The following ITGA8 variants were observed in gnomAD, a reference collection of about 807,000 sequenced individuals.
ITGA8 encodes integrin subunit alpha 8, also known as integrin alpha-8.
A neutral mutation model predicts 142.3 loss-of-function variants in ITGA8; 91 were observed. That is an observed-to-expected ratio of 0.64 (90% CI 0.54 to 0.76). ITGA8 has a LOEUF of 0.76. ITGA8 is among the 30% of genes least tolerant of loss of function. ITGA8 has a pLI of 0.00. For missense variants in ITGA8, 1,406 were observed against 1,327.7 expected (o/e 1.06, Z -0.92); for synonymous variants, 505 against 485.2 (o/e 1.04, Z -0.54).
intron 10 of ITGA8, among the ~76,000 whole-genome samples, 163 bp downstream of exon 10, chr10:15,658,836 T>C (rs1384602222): frequency 1.3e-5 from 2 of 152,084 alleles, no homozygotes; most frequent in Non-Finnish European, 2.9e-5. Context: ...GGATGGGATC[T>C]GTCTGTCTGA....
At chr10:15,667,956 G>C (rs1245688497) in intron 8 of ITGA8, among the ~76,000 whole-genome samples, 2 of 152,202 alleles carry the variant, frequency 1.3e-5, no homozygotes, top group Non-Finnish European at 2.9e-5. Context: ...GTCAATTTTG[G>C]AGTAGGTGTG....
At chr10:15,553,302 G>GTTTTTTTTTTTTTTTTTTTTTTTTTTT in intron 26 of ITGA8, among the ~76,000 whole-genome samples, 1 of 131,140 alleles carries the variant, frequency 7.6e-6, no homozygotes, top group African/African-American at 2.7e-5. Context: ...AGTTGCCATA[G>GTTTTTTTTTTTTTTTTTTTTTTTTTTT]TTTTTTTTTT....
chr10:15,538,199 T>C (rs1833487983), intron 27 of ITGA8, among the ~76,000 whole-genome samples: 1 of 152,078 alleles, frequency 6.6e-6, no homozygotes, highest in African/African-American at 2.4e-5. Context: ...GGTTCAGTCA[T>C]CCTGGGTATT....
intron 16 of ITGA8, 51 bp from the exon 17 acceptor site, chr10:15,607,882 C>G (rs768929208): frequency 6.2e-6 from 9 of 1,448,318 alleles, no homozygotes; most frequent in South Asian, 1.2e-5. Context: ...ACACAGTGCT[C>G]TATCAGAGAG....
intron 24 of ITGA8, among the ~76,000 whole-genome samples, chr10:15,573,033 C>A (rs1184194197): frequency 6.6e-6 from 1 of 152,156 alleles, no homozygotes; most frequent in Non-Finnish European, 1.5e-5. Flanking sequence ...TACATTTATT[C>A]CAGTGTTTTA....
chr10:15,570,610 CAAAAAAAAAAAAAAA>C (rs931457896), intron 25 of ITGA8, among the ~76,000 whole-genome samples: 1 of 40,032 alleles, frequency 2.5e-5, no homozygotes, highest in Admixed American at 2.6e-4. Flanking sequence ...AACTCCATCT[CAAAAAAAAAAAAAAA>C]AAAAAAAAAG....
intron 15 of ITGA8, among the ~76,000 whole-genome samples, chr10:15,610,722 G>C (rs764559284): frequency 5.3e-5 from 8 of 152,092 alleles, no homozygotes; most frequent in African/African-American, 9.7e-5. Context: ...TGTGAAACAC[G>C]ATTTAAAAGT....
chr10:15,608,104 T>G, intron 16 of ITGA8, 131 bp downstream of exon 16: 1 of 712,716 alleles, frequency 1.4e-6, no homozygotes, highest in Non-Finnish European at 2.4e-6. Context: ...TATTAGAAGG[T>G]TCCATATATG....
chr10:15,583,940 A>T (rs1294099524), intron 23 of ITGA8, among the ~76,000 whole-genome samples: 1 of 152,146 alleles, frequency 6.6e-6, no homozygotes, highest in Non-Finnish European at 1.5e-5. Flanking sequence ...TAGTGACTAA[A>T]CTCTAGAATA....
At chr10:15,576,041 TA>T (rs1250343153) in intron 23 of ITGA8, among the ~76,000 whole-genome samples, 6 of 151,878 alleles carry the variant, frequency 4.0e-5, no homozygotes, top group Middle Eastern at 3.4e-3. Context: ...TTTTTGCAGA[TA>T]AAAAAAAGTC....
intron 13 of ITGA8, among the ~76,000 whole-genome samples, chr10:15,622,727 T>TA (rs910135877): frequency 2.6e-4 from 38 of 148,982 alleles, no homozygotes; most frequent in Admixed American, 4.0e-4. Flanking sequence ...TGGCACTTGG[T>TA]AAAAAAAAAA....
intron 2 of ITGA8, among the ~76,000 whole-genome samples, chr10:15,706,452 C>A (rs1488937092): frequency 6.6e-6 from 1 of 151,970 alleles, no homozygotes; most frequent in Non-Finnish European, 1.5e-5. Context: ...CTAAGCTGAT[C>A]CATTTTTTTC....
At chr10:15,719,309 C>G (rs1835513246) in intron 1 of ITGA8, among the ~76,000 whole-genome samples, 3 of 152,224 alleles carry the variant, frequency 2.0e-5, no homozygotes, top group South Asian at 4.1e-4. Flanking sequence ...TTGTAGGATG[C>G]GTGCGTCTTG....
At position 15,597,283 on chromosome 10, in the gene ITGA8, C is replaced by G. The variant is rs760704621; in HGVS notation, c.2135G>C (p.Ser712Thr). ...ERNNKGFRPLSCEYKMENVTR... is the reference protein window; with the variant it reads ...ERNNKGFRPLTCEYKMENVTR... ...TACATTTTCCATCTTGTACTCACAG[C>G]TCAGTGGTCGAAATCCCTACAATTG... Residue 712 changes from serine (S) to threonine (T), a missense_variant, in exon 21 of 30, where the codon AGC becomes ACC. Transcript: ENST00000378076. 10 of 1,613,900 alleles carry G rather than the reference C, an allele frequency of 6.2e-6. No individual in the cohort carries two copies. Among genetic ancestry groups the G allele is most frequent in the Non-Finnish European group, 8.5e-6 (10 of 1,179,912 alleles).
intron 27 of ITGA8, among the ~76,000 whole-genome samples, chr10:15,539,911 C>G (rs1418653929): frequency 6.6e-6 from 1 of 152,064 alleles, no homozygotes. Flanking sequence ...GGTGATTTCT[C>G]CCCTACTGTT....
At chr10:15,584,393 C>A (rs1319121605) in intron 23 of ITGA8, among the ~76,000 whole-genome samples, 1 of 152,188 alleles carries the variant, frequency 6.6e-6, no homozygotes, top group Non-Finnish European at 1.5e-5. Context: ...GATTAAAAAG[C>A]TGCTGAATCT....
intron 21 of ITGA8, among the ~76,000 whole-genome samples, chr10:15,594,223 G>A (rs561183920): frequency 6.2e-4 from 94 of 151,844 alleles, no homozygotes; most frequent in African/African-American, 2.2e-3. Context: ...GCTTTTTCTT[G>A]CCTTTTCTAC....
At chr10:15,575,126 C>A (rs1476639202) in intron 24 of ITGA8, among the ~76,000 whole-genome samples, 1 of 152,124 alleles carries the variant, frequency 6.6e-6, no homozygotes, top group Non-Finnish European at 1.5e-5. Context: ...AAAATGCTAT[C>A]TACTGTAGTT....
intron 28 of ITGA8, among the ~76,000 whole-genome samples, chr10:15,530,319 G>A (rs944145512): frequency 2.0e-5 from 3 of 152,058 alleles, no homozygotes; most frequent in East Asian, 1.9e-4. Flanking sequence ...AGGCTGAGGC[G>A]GGCGGATCAC....
Sources: gnomAD v4.1 joint callset for allele counts (sites outside exome capture counted in the v4.1 genomes callset) on GRCh38, gnomAD v4.1.1 for gene constraint, MANE v1.5 for transcripts, NCBI Gene and HGNC (gene_info 2026-07-23, HGNC 2026-07-21) for gene names.